The following C1orf94 variants were observed in gnomAD, a reference collection of about 807,000 sequenced individuals.
C1orf94 encodes uncharacterized protein C1orf94.
Under a neutral mutation model 53.6 loss-of-function variants are expected in C1orf94, and 45 were observed. The observed-to-expected ratio is 0.84, with a 90% CI of 0.66 to 1.08. The LOEUF is 1.08. Among genes scored for constraint, C1orf94 ranks in the 50% least tolerant of loss-of-function variants. C1orf94 has a pLI of 0.00. For synonymous variants in C1orf94, 304 were observed against 296.1 expected (o/e 1.03, Z -0.27); for missense variants, 762 against 738.9 (o/e 1.03, Z -0.36).
rs752954119 is a variant in C1orf94 at position 34,197,315 on chromosome 1, C to T, written c.411C>T (p.Val137=). The change falls in exon 2 of 7, where the codon GTC becomes GTT. Residue 137 remains valine, a synonymous_variant. Transcript: ENST00000488417. This position sits in a 1 kb window ranked among gnomAD's most constrained non-coding sequence, Gnocchi z 4.1. ...TCACCAAAGAGCACTCGATCCTGGT[C>T]GAAGAGAGTTCTGGGGAGCTGGAGG... ...LSLTKEHSIL[V]EESSGELEVP... 44 of 1,564,940 alleles carry T rather than the reference C, an allele frequency of 2.8e-5. No individual in the cohort carries two copies. The highest frequency in any genetic ancestry group is 1.7e-4 in the Middle Eastern group (1 of 6,028).
At chr1:34,187,077 T>C (rs1035216044) in intron 1 of C1orf94, among the ~76,000 whole-genome samples, 1 of 152,190 alleles carries the variant, frequency 6.6e-6, no homozygotes, top group Non-Finnish European at 1.5e-5. Context: ...GCAGGTTTTT[T>C]CCTCCTTCTG....
chr1:34,169,452 T>C (rs1379226452), intron 1 of C1orf94, among the ~76,000 whole-genome samples: 3 of 152,094 alleles, frequency 2.0e-5, no homozygotes, highest in African/African-American at 7.2e-5. Flanking sequence ...AAGCCTAATA[T>C]CCAGATAAAA....
rs764776804 is a variant in C1orf94, at chr1:34,177,848, AGAG to A, written c.68_70del (p.Arg23del). Reference sequence around the variant, plus strand: ...GGTGGACAGAGGGGCTTCCAGAAAGAGAGGAGGAGGATGGCCAGCGGGAATGGG... The same window carrying A: ...GGTGGACAGAGGGGCTTCCAGAAAGAGAGGAGGATGGCCAGCGGGAATGGG... On this transcript the variant is annotated inframe_deletion, in exon 1 of 7. Coordinates refer to ENST00000488417, the MANE Select transcript of C1orf94 (RefSeq NM_001134734.2). The A allele has an allele frequency of 5.5e-5, 85 of 1,550,520 alleles. 2 individuals are homozygous for A. The South Asian group carries it at 9.4e-4, about 17-fold the overall frequency.
chr1:34,218,697 C>T lies in C1orf94; in HGVS notation c.1733C>T (p.Thr578Ile), dbSNP rs1182418923. 2 of 1,612,200 alleles carry T rather than the reference C, an allele frequency of 1.2e-6. No homozygotes were observed. The highest frequency in any genetic ancestry group is 1.1e-5 in the South Asian group (1 of 90,754). The change falls in exon 7 of 7, where the codon ACA becomes ATA. Residue 578 changes from threonine to isoleucine, a missense_variant. By Grantham distance (89) the Thr-to-Ile change is moderately conservative. Coordinates refer to ENST00000488417, the MANE Select transcript of C1orf94 (RefSeq NM_001134734.2). ...TCCCTCTCTTCCAGGTTCGGCTCGACATCCGGAGGGCCCTTGATGCACAGC... is the reference window on the plus strand; with the variant it reads ...TCCCTCTCTTCCAGGTTCGGCTCGATATCCGGAGGGCCCTTGATGCACAGC... The part of the protein sequence containing the change: ...LFPQGYGFGS[T>I]SGGPLMHSPY...
intron 5 of C1orf94, among the ~76,000 whole-genome samples, chr1:34,209,681 A>G (rs1642859322): frequency 6.6e-6 from 1 of 152,062 alleles, no homozygotes; most frequent in Non-Finnish European, 1.5e-5. Context: ...AGGGGTAGGG[A>G]GCCTTGTTAC....
At chr1:34,178,636 T>C (rs1325866740) in intron 1 of C1orf94, among the ~76,000 whole-genome samples, 1 of 152,146 alleles carries the variant, frequency 6.6e-6, no homozygotes, top group South Asian at 2.1e-4. Flanking sequence ...GAGGACATAA[T>C]AGAAAATTAA....
intron 1 of C1orf94, among the ~76,000 whole-genome samples, chr1:34,169,639 G>GAGAGAGAGAGAGAGAGAGAGAGA (rs1333033191): frequency 2.1e-5 from 3 of 142,870 alleles, no homozygotes; most frequent in Non-Finnish European, 1.5e-5. Context: ...GAGAGAGTGA[G>GAGAGAGAGAGAGAGAGAGAGAGA]CAAATGGGAG....
Position 34,219,033 on chromosome 1 carries a change from A to C in C1orf94, c.*272A>C. On this transcript the variant is annotated 3_prime_UTR_variant, in exon 7 of 7. Coordinates refer to ENST00000488417, the MANE Select transcript of C1orf94 (RefSeq NM_001134734.2). ...ACTTATGCATCTATATTTAGCTAAC[A>C]TGAGTGATTTTTGTTTTTGTTTTTG... is the stretch of plus-strand genomic sequence containing the variant. The C allele has an allele frequency of 1.8e-5, 5 of 270,308 alleles. No individual in the cohort carries two copies. The highest frequency in any genetic ancestry group is 6.4e-5 in the East Asian group (1 of 15,644). The allele number at this position is 270,308 out of a possible 1,614,324, so 16.7% of individuals were successfully genotyped here.
chr1:34,199,322 A>G (rs1196198519), intron 2 of C1orf94, among the ~76,000 whole-genome samples: 1 of 152,184 alleles, frequency 6.6e-6, no homozygotes, highest in African/African-American at 2.4e-5. Flanking sequence ...AAGGGCTATT[A>G]TCAGTGGGTA....
intron 1 of C1orf94, among the ~76,000 whole-genome samples, chr1:34,167,352 G>A (rs1642054879): frequency 6.6e-6 from 1 of 152,224 alleles, no homozygotes; most frequent in South Asian, 2.1e-4. Flanking sequence ...AGTCTGGGCT[G>A]CTCTGTAATT....
intron 1 of C1orf94, among the ~76,000 whole-genome samples, chr1:34,192,833 G>A (rs1341754902): frequency 6.6e-6 from 1 of 152,144 alleles, no homozygotes; most frequent in Non-Finnish European, 1.5e-5. Context: ...AAGTGCAAAG[G>A]CCCTCGGGCT....
intron 2 of C1orf94, 60 bp from the exon 3 acceptor site, chr1:34,200,712 C>T: frequency 6.3e-7 from 1 of 1,596,018 alleles, no homozygotes; most frequent in South Asian, 1.1e-5. Context: ...CAAAAAGGTG[C>T]TTCCAGCATC....
rs186202792 is a variant in C1orf94, at chr1:34,171,314, C to T, written c.-251+4143C>T. On this transcript the variant is annotated intron_variant, in intron 1 of 6. Transcript: ENST00000373374. The stretch of plus-strand genomic sequence containing the variant: ...TCTCTGCCTAGAAAGCTTCCCTTCT[C>T]CTTCTGTGACTAGCCTTCTCCTATT... Among the ~76,000 whole-genome samples the T allele has an allele frequency of 2.0e-4, 31 of 152,330 alleles. No homozygotes were observed. The East Asian group carries it at 6.0e-3, about 29-fold the overall frequency.
intron 6 of C1orf94, among the ~76,000 whole-genome samples, chr1:34,216,029 A>G (rs1642982434): frequency 6.6e-6 from 1 of 152,130 alleles, no homozygotes; most frequent in South Asian, 2.1e-4. Context: ...AATAAAACAA[A>G]CAAACAAACA....
intron 4 of C1orf94, among the ~76,000 whole-genome samples, 172 bp from the exon 5 acceptor site, chr1:34,207,985 A>G (rs58789216): frequency 0.086 from 13,011 of 152,136 alleles, 1,177 homozygotes; most frequent in African/African-American, 0.23. Context: ...TTCCTGTGTG[A>G]TGTGAGTCCT....
At chr1:34,215,496 G>A (rs1642970289) in intron 6 of C1orf94, among the ~76,000 whole-genome samples, 2 of 152,130 alleles carry the variant, frequency 1.3e-5, no homozygotes, top group Non-Finnish European at 2.9e-5. Flanking sequence ...AGGGGAGTAG[G>A]CTAGAGCTTT....
In C1orf94 at chr1:34,178,062, C is replaced by T; in HGVS notation, c.273C>T (p.Val91=). 1.9e-6 allele frequency: 3 copies of T among 1,551,714 alleles called. No homozygotes were observed. The highest frequency in any genetic ancestry group is 2.6e-6 in the Non-Finnish European group (3 of 1,146,992). The change falls in exon 1 of 7, where the codon GTC becomes GTT. Residue 91 remains valine (V), a synonymous_variant. Transcript: ENST00000488417. ...GGACCTCCATGGAGCAGCTCTCTGT[C>T]CCTGTGGTTGGAACTCTAAGAGGCA... is the stretch of plus-strand genomic sequence containing the variant. The part of the protein sequence containing the change: ...QPWTSMEQLS[V]PVVGTLRGNE...
intron 1 of C1orf94, among the ~76,000 whole-genome samples, chr1:34,188,682 T>C (rs534073637): frequency 2.0e-5 from 3 of 152,258 alleles, no homozygotes; most frequent in East Asian, 1.9e-4. Context: ...ACCGAGTGCT[T>C]TCACATTCAT....
At chr1:34,201,067 AG>A (rs748053952) in intron 3 of C1orf94, 35 bp downstream of exon 3, 2 of 1,552,718 alleles carry the variant, frequency 1.3e-6, no homozygotes, top group Admixed American at 2.0e-5. Flanking sequence ...ATTGGAGGGG[AG>A]GGGGTTGCAG....
Sources: gnomAD v4.1 joint callset for allele counts (sites outside exome capture counted in the v4.1 genomes callset) on GRCh38, gnomAD v4.1.1 for gene constraint, Gnocchi (gnomAD v3.1) non-coding constraint, MANE v1.5 for transcripts, NCBI Gene and HGNC (gene_info 2026-07-23, HGNC 2026-07-21) for gene names.